The following ENOPH1 variants were observed in gnomAD, a reference collection of about 807,000 sequenced individuals.
ENOPH1 encodes enolase-phosphatase E1.
A neutral mutation model predicts 31.1 loss-of-function variants in ENOPH1; 14 were observed. The observed-to-expected ratio is 0.45, with a 90% confidence interval of 0.30 to 0.70. The LOEUF is 0.70. ENOPH1 is among the 30% of genes least tolerant of loss of function. The pLI, the probability that ENOPH1 is intolerant of heterozygous loss-of-function variation, is 0.09. For synonymous variants in ENOPH1, 127 were observed against 123.2 expected, an observed-to-expected ratio of 1.03 and a Z score of -0.21; for missense variants, 243 against 321.5, an observed-to-expected ratio of 0.76 and a Z score of 1.87.
intron 2 of ENOPH1, among the ~76,000 whole-genome samples, chr4:82,449,676 A>G (rs915807513): frequency 1.3e-5 from 2 of 152,152 alleles, no homozygotes; most frequent in African/African-American, 4.8e-5. Context: ...TGAGGATTAC[A>G]TTTCAATGTG....
chr4:82,430,729 C>A lies in ENOPH1; in HGVS notation c.-101C>A. 1.8e-6 allele frequency: 2 copies of A among 1,104,524 alleles called. No homozygotes were observed. Among genetic ancestry groups the A allele is most frequent in the Non-Finnish European group, 1.3e-6 (1 of 747,420 alleles). The allele number at this position is 1,104,524 out of a possible 1,614,324, so 68.4% of individuals were successfully genotyped here. A position where few individuals can be genotyped will look rare whatever the true frequency, so the allele number is the denominator to read the frequency against. ...TCGCTGGCTCCGAGATCGCGCGGGG[C>A]CGCCGGAAGCCCAAGACGGTACCGG... On this transcript the variant is annotated 5_prime_UTR_variant, in exon 1 of 6. Coordinates refer to ENST00000273920, the MANE Select transcript of ENOPH1 (RefSeq NM_021204.5).
intron 2 of ENOPH1, 42 bp downstream of exon 2, chr4:82,448,063 T>C: frequency 7.3e-7 from 1 of 1,365,968 alleles, no homozygotes; most frequent in East Asian, 2.3e-5. Context: ...GTCTTAGAAA[T>C]GAGGGTACCT....
chr4:82,439,112 C>T (rs909939933), intron 1 of ENOPH1, among the ~76,000 whole-genome samples: 3 of 152,114 alleles, frequency 2.0e-5, no homozygotes, highest in Non-Finnish European at 4.4e-5. Context: ...GGACCTTTCC[C>T]AGGTGATACC....
At chr4:82,457,719 G>A (rs1980187) in intron 5 of ENOPH1, among the ~76,000 whole-genome samples, 3 of 151,926 alleles carry the variant, frequency 2.0e-5, no homozygotes, top group Non-Finnish European at 2.9e-5. Context: ...TAAGGGGTAG[G>A]TAGTTGAGCC....
At chr4:82,437,456 A>C (rs1012185603) in intron 1 of ENOPH1, among the ~76,000 whole-genome samples, 3 of 152,318 alleles carry the variant, frequency 2.0e-5, no homozygotes, top group Non-Finnish European at 4.4e-5. Context: ...TGCACATTCC[A>C]ATCATGCCCT....
intron 4 of ENOPH1, among the ~76,000 whole-genome samples, chr4:82,455,176 A>G (rs919242099): frequency 2.0e-5 from 3 of 152,156 alleles, no homozygotes; most frequent in Non-Finnish European, 4.4e-5. Flanking sequence ...CTCTTTGAAG[A>G]AATATAGATT....
intron 5 of ENOPH1, among the ~76,000 whole-genome samples, chr4:82,458,073 A>C (rs544488739): frequency 1.2e-5 from 1 of 84,814 alleles, no homozygotes; most frequent in African/African-American, 5.0e-5. Context: ...CCCCATACAC[A>C]CTTAGGCCAG....
At chr4:82,459,765 T>C (rs1722596822) in intron 5 of ENOPH1, among the ~76,000 whole-genome samples, 1 of 152,212 alleles carries the variant, frequency 6.6e-6, no homozygotes, top group Non-Finnish European at 1.5e-5. Context: ...TACAGTTACG[T>C]ATTTTTTAAA....
chr4:82,431,402 C>T (rs762544368), intron 1 of ENOPH1, among the ~76,000 whole-genome samples: 1 of 152,234 alleles, frequency 6.6e-6, no homozygotes. Context: ...ATCAAGGTTC[C>T]TCTTCGCCCC....
chr4:82,460,301 C>T lies in ENOPH1; in HGVS notation c.*181C>T. The T allele has an allele frequency of 1.9e-6, 1 of 528,704 alleles. No homozygotes were observed. Among genetic ancestry groups the T allele is most frequent in the Non-Finnish European group, 3.2e-6 (1 of 310,556 alleles). The allele number at this position is 528,704 out of a possible 1,614,324, so 32.8% of individuals were successfully genotyped here. A position where few individuals can be genotyped will look rare whatever the true frequency, so the allele number is the denominator to read the frequency against. ...TACATAAGTGAAAGAAGTCTCAGTT[C>T]AGTGAACACAAAACTTATTTAAAGA... is the stretch of plus-strand genomic sequence containing the variant. On this transcript the variant is annotated 3_prime_UTR_variant, in exon 6 of 6. Coordinates refer to ENST00000273920, the MANE Select transcript of ENOPH1 (RefSeq NM_021204.5).
At chr4:82,442,493 C>G (rs1722066126) in intron 1 of ENOPH1, among the ~76,000 whole-genome samples, 1 of 152,052 alleles carries the variant, frequency 6.6e-6, no homozygotes, top group African/African-American at 2.4e-5. Context: ...GTATTCCACC[C>G]TGGGTGACAG....
intron 1 of ENOPH1, among the ~76,000 whole-genome samples, chr4:82,436,541 G>A (rs939579488): frequency 6.6e-6 from 1 of 152,040 alleles, no homozygotes; most frequent in Non-Finnish European, 1.5e-5. Flanking sequence ...AAAAAAGTTA[G>A]CCAGGTGTAG....
chr4:82,454,572 T>G, intron 3 of ENOPH1, 150 bp from the exon 4 acceptor site: 1 of 731,228 alleles, frequency 1.4e-6, no homozygotes, highest in Non-Finnish European at 2.2e-6. Flanking sequence ...AGTATGTTTA[T>G]TAGAACTGCA....
In ENOPH1 at chr4:82,459,933, T is replaced by A. The variant is rs770574701; in HGVS notation, c.647-48T>A. 9.4e-6 allele frequency: 15 copies of A among 1,602,876 alleles called. No homozygotes were observed. The East Asian group carries it at 3.4e-4, about 36-fold the overall frequency. On this transcript the variant is annotated intron_variant, in intron 5 of 5. Coordinates refer to ENST00000273920, the MANE Select transcript of ENOPH1 (RefSeq NM_021204.5). ...CTGACTTTGCTGCAAATCTCAGACA[T>A]CATTTTTTGGTGTTTCTGACACACA... is the stretch of plus-strand genomic sequence containing the variant.
intron 1 of ENOPH1, among the ~76,000 whole-genome samples, chr4:82,443,258 G>A (rs966902974): frequency 8.6e-5 from 13 of 151,642 alleles, no homozygotes; most frequent in Non-Finnish European, 1.8e-4. Flanking sequence ...CTAACATGGC[G>A]AAACCCCATC....
chr4:82,437,435 A>G (rs749850250), intron 1 of ENOPH1, among the ~76,000 whole-genome samples: 2 of 152,208 alleles, frequency 1.3e-5, no homozygotes, highest in Non-Finnish European at 2.9e-5. Context: ...TACACTTTAC[A>G]TAGCTGAACA....
rs115208750 is a variant in ENOPH1 at position 82,435,944 on chromosome 4, A to T, written c.84+5031A>T. 8.4e-3 allele frequency among the ~76,000 whole-genome samples: 1,272 copies of T among 152,316 alleles called. 17 individuals carry two copies. The highest frequency in any genetic ancestry group is 0.029 in the African/African-American group (1,187 of 41,566). Reference sequence around the variant, plus strand: ...GAAGGTTAAATAAGATGGAATTCAAAAGCCTTTGAAAATTACGAAGTCCTA... The same window carrying T: ...GAAGGTTAAATAAGATGGAATTCAATAGCCTTTGAAAATTACGAAGTCCTA... On this transcript the variant is annotated intron_variant, in intron 1 of 5. Transcript: ENST00000273920.
intron 1 of ENOPH1, among the ~76,000 whole-genome samples, chr4:82,432,801 G>A (rs1012725514): frequency 1.3e-4 from 19 of 151,934 alleles, no homozygotes; most frequent in African/African-American, 4.4e-4. Context: ...CACCACGCCC[G>A]GCTAATTTTT....
chr4:82,448,246 G>T (rs957450003), intron 2 of ENOPH1, among the ~76,000 whole-genome samples: 7 of 146,268 alleles, frequency 4.8e-5, no homozygotes, highest in South Asian at 2.1e-4. Context: ...GTTTTTTTTT[G>T]TTTTGTTTTG....
Sources: allele counts gnomAD v4.1 joint callset (sites outside exome capture counted in the v4.1 genomes callset), GRCh38; gene constraint gnomAD v4.1.1; transcripts MANE v1.5; gene names NCBI Gene and HGNC (gene_info 2026-07-23, HGNC 2026-07-21).